ITPKB: variants seen among roughly 807,000 people sequenced by gnomAD.
ITPKB encodes the protein inositol-trisphosphate 3-kinase B, also known as IP3 3-kinase B.
Under a neutral mutation model 69.4 loss-of-function variants are expected in ITPKB, and 13 were observed. That is an observed-to-expected ratio of 0.19 (90% CI 0.12 to 0.30). The LOEUF (loss-of-function observed/expected upper bound fraction) is 0.30, where lower values mean the gene tolerates loss of function less well. ITPKB is among the 10% of genes least tolerant of loss of function. ITPKB has a pLI of 1.00. For synonymous variants in ITPKB, 584 were observed against 513.7 expected, an observed-to-expected ratio of 1.14 and a Z score of -1.85; for missense variants, 1,240 against 1,250.5, an observed-to-expected ratio of 0.99 and a Z score of 0.13.
intron 2 of ITPKB, among the ~76,000 whole-genome samples, chr1:226,672,491 C>A (rs920101241): frequency 6.6e-6 from 1 of 152,194 alleles, no homozygotes; most frequent in Non-Finnish European, 1.5e-5. Flanking sequence ...GTAACAAAGG[C>A]CAAACAGAGC....
intron 2 of ITPKB, among the ~76,000 whole-genome samples, chr1:226,700,877 C>A (rs969039212): frequency 2.6e-5 from 4 of 152,186 alleles, no homozygotes; most frequent in Admixed American, 6.5e-5. Context: ...AGAAATTCAC[C>A]ACCTTGTCAA....
At chr1:226,635,968 T>C (rs1291889516) in intron 7 of ITPKB, among the ~76,000 whole-genome samples, 1 of 152,218 alleles carries the variant, frequency 6.6e-6, no homozygotes, top group Admixed American at 6.5e-5. Context: ...GTGGGGCCCC[T>C]GGCGAGGCTG....
chr1:226,663,075 G>C (rs1669431472), intron 2 of ITPKB, among the ~76,000 whole-genome samples: 1 of 152,212 alleles, frequency 6.6e-6, no homozygotes, highest in East Asian at 1.9e-4. Flanking sequence ...GAACCCCCAA[G>C]TATGAGCAAG....
intron 2 of ITPKB, among the ~76,000 whole-genome samples, chr1:226,733,713 GC>G (rs1657662674): frequency 6.6e-6 from 1 of 152,144 alleles, no homozygotes; most frequent in Non-Finnish European, 1.5e-5. Flanking sequence ...TGGACAACAG[GC>G]TGGCCTCGTT....
chr1:226,671,704 C>T (rs1385551710), intron 2 of ITPKB, among the ~76,000 whole-genome samples: 1 of 152,112 alleles, frequency 6.6e-6, no homozygotes, highest in Non-Finnish European at 1.5e-5. Flanking sequence ...TGGCCATGGT[C>T]TTTCTGCAGG....
chr1:226,641,865 G>T lies in ITPKB; in HGVS notation c.2451+56C>A. On this transcript the variant is annotated intron_variant, in intron 5 of 7. Coordinates refer to ENST00000429204, the MANE Select transcript of ITPKB (RefSeq NM_002221.4). This position sits in a 1 kb window ranked among gnomAD's most constrained non-coding sequence, Gnocchi z 4.6. ...TCCAAAGGGCGCTGAGAGAAGCCAA[G>T]CCCCCTGAGGTGGGCACGGGTGGGG... The T allele has an allele frequency of 6.7e-7, 1 of 1,502,190 alleles. No homozygotes were observed. Among genetic ancestry groups the T allele is most frequent in the Non-Finnish European group, 9.1e-7 (1 of 1,094,562 alleles). The allele number at this position is 1,502,190 out of a possible 1,614,324, so 93.1% of individuals were successfully genotyped here.
At position 226,736,060 on chromosome 1, in the gene ITPKB, C is replaced by T; in HGVS notation, c.1399G>A (p.Glu467Lys). 4 of 1,613,296 alleles carry T rather than the reference C, an allele frequency of 2.5e-6. No homozygotes were observed. The highest frequency in any genetic ancestry group is 1.1e-5 in the South Asian group (1 of 91,082). The change falls in exon 2 of 8, where the codon GAG becomes AAG. Residue 467 changes from glutamate to lysine, a missense_variant. Physicochemically the swap from Glu to Lys is moderately conservative, Grantham distance 56. Transcript: ENST00000429204. ...ATTCTGCCAGAAGGAATTCCCGCCT[C>T]CACATTCCCGGTCCCCGGCTGTGCT... ...PSAQPGTGNVEAGIPSGRMLE... is the reference protein window; with the variant it reads ...PSAQPGTGNVKAGIPSGRMLE...
intron 2 of ITPKB, chr1:226,707,810 G>A: frequency 8.9e-7 from 1 of 1,121,488 alleles, no homozygotes; most frequent in Non-Finnish European, 1.1e-6. Context: ...AATTGGCTCA[G>A]TCTTTCCAGA....
intron 2 of ITPKB, among the ~76,000 whole-genome samples, chr1:226,697,807 C>G (rs1024297232): frequency 6.6e-6 from 1 of 152,094 alleles, no homozygotes; most frequent in African/African-American, 2.4e-5. Context: ...AAGAGCTGCC[C>G]TAGGAACACC....
At chr1:226,666,032 G>A (rs1477522266) in intron 2 of ITPKB, among the ~76,000 whole-genome samples, 1 of 152,152 alleles carries the variant, frequency 6.6e-6, no homozygotes, top group Non-Finnish European at 1.5e-5. Flanking sequence ...GGCCATCTGC[G>A]GTCTTCCCCA....
chr1:226,701,440 T>C (rs2102788000), intron 2 of ITPKB, among the ~76,000 whole-genome samples: 1 of 150,628 alleles, frequency 6.6e-6, no homozygotes. Flanking sequence ...CCGTCTCTAC[T>C]AAAAATACAA....
intron 2 of ITPKB, among the ~76,000 whole-genome samples, chr1:226,655,752 TC>T (rs1669275414): frequency 6.6e-6 from 1 of 152,220 alleles, no homozygotes; most frequent in Non-Finnish European, 1.5e-5. Context: ...CTGCTTCCTG[TC>T]TTCTTTCCAG....
At position 226,737,222 on chromosome 1, in the gene ITPKB, C is replaced by T. The variant is rs774800559; in HGVS notation, c.237G>A (p.Arg79=). 1 of 1,565,716 alleles carries T rather than the reference C, an allele frequency of 6.4e-7. No individual in the cohort carries two copies. The highest frequency in any genetic ancestry group is 1.8e-4 in the Middle Eastern group (1 of 5,534). The change falls in exon 2 of 8, where the codon CGG becomes CGA. Residue 79 remains arginine, a synonymous_variant. Coordinates refer to ENST00000429204, the MANE Select transcript of ITPKB (RefSeq NM_002221.4). ...PRSPGGWRSG[R]RRLNSSSGSG... is the part of the protein sequence containing the mutation. ...TGCCGCTGCTACTATTCAGCCTGCG[C>T]CGGCCGCTCCGCCAGCCCCCGGGGC...
chr1:226,676,760 C>T (rs1669742215), intron 2 of ITPKB, among the ~76,000 whole-genome samples: 1 of 152,182 alleles, frequency 6.6e-6, no homozygotes, highest in African/African-American at 2.4e-5. Context: ...AGGGTAACTG[C>T]CTGGAGGAAT....
intron 4 of ITPKB, among the ~76,000 whole-genome samples, chr1:226,644,274 C>A (rs1669020743): frequency 6.6e-6 from 1 of 152,212 alleles, no homozygotes; most frequent in Non-Finnish European, 1.5e-5. Context: ...GAGGCTCAGC[C>A]CCTCCCCACA....
intron 2 of ITPKB, among the ~76,000 whole-genome samples, chr1:226,655,043 A>G (rs1204252066): frequency 6.7e-6 from 1 of 148,896 alleles, no homozygotes; most frequent in Non-Finnish European, 1.5e-5. Flanking sequence ...GACAGGGAAG[A>G]GGAGAGAAGA....
chr1:226,666,826 T>C (rs1266973776), intron 2 of ITPKB, among the ~76,000 whole-genome samples: 1 of 152,170 alleles, frequency 6.6e-6, no homozygotes, highest in Non-Finnish European at 1.5e-5. Flanking sequence ...CTTTAAACCT[T>C]CTGTGGCTTC....
chr1:226,648,631 C>T, intron 3 of ITPKB, 41 bp downstream of exon 3: 1 of 1,269,994 alleles, frequency 7.9e-7, no homozygotes, highest in Non-Finnish European at 1.2e-6. Flanking sequence ...CCCCAGAGGG[C>T]TGAGCACCAT....
chr1:226,642,243 C>T lies in ITPKB; in HGVS notation c.2247-118G>A. 2.6e-6 allele frequency: 2 copies of T among 768,528 alleles called. No individual in the cohort carries two copies. Among genetic ancestry groups the T allele is most frequent in the Non-Finnish European group, 4.3e-6 (2 of 469,406 alleles). 47.6% of individuals were successfully genotyped at this position (768,528 alleles called of 1,614,324 possible). The stretch of plus-strand genomic sequence containing the variant: ...TGTGTTGCCCAACAGCTGCAGTCAG[C>T]TCAGTGCCCTGAGTCAAGGCACGTC... On this transcript the variant is annotated intron_variant, in intron 4 of 7. Coordinates refer to ENST00000429204, the MANE Select transcript of ITPKB (RefSeq NM_002221.4). The surrounding 1 kb of genome is among the most constrained non-coding windows in gnomAD (Gnocchi z 6.4).
Sources: gnomAD v4.1 joint callset for allele counts (sites outside exome capture counted in the v4.1 genomes callset) on GRCh38, gnomAD v4.1.1 for gene constraint, Gnocchi (gnomAD v3.1) non-coding constraint, MANE v1.5 for transcripts, NCBI Gene and HGNC (gene_info 2026-07-23, HGNC 2026-07-21) for gene names.